GLB1: variants seen among roughly 807,000 people sequenced by gnomAD.
GLB1 encodes galactosidase beta 1.
A neutral mutation model predicts 74.0 loss-of-function variants in GLB1; 56 were observed. That is an observed-to-expected ratio of 0.76 (90% CI 0.61 to 0.94). The LOEUF (loss-of-function observed/expected upper bound fraction) is 0.94, where lower values mean the gene tolerates loss of function less well. Ranked by LOEUF, GLB1 falls within the 40% of genes least tolerant of loss-of-function variation. The probability of loss-of-function intolerance (pLI) is 0.00; values close to 1 mark genes in which losing one functional copy is unlikely to be tolerated. For missense variants in GLB1, 787 were observed against 845.5 expected (o/e 0.93, Z 0.86); for synonymous variants, 323 against 323.6 (o/e 1.00, Z 0.02).
At chr3:33,090,034 C>G (rs1700682269) in intron 1 of GLB1, among the ~76,000 whole-genome samples, 2 of 152,334 alleles carry the variant, frequency 1.3e-5, no homozygotes, top group East Asian at 1.9e-4. Context: ...TCATTTGTGA[C>G]AGATACAGCT....
intron 12 of GLB1, among the ~76,000 whole-genome samples, chr3:33,020,521 T>C (rs1258091692): frequency 6.6e-6 from 1 of 152,200 alleles, no homozygotes; most frequent in Non-Finnish European, 1.5e-5. Flanking sequence ...GTCCAAAATG[T>C]CTTACTGAAT....
chr3:32,982,034 C>A, the GLB1 span, among the ~76,000 whole-genome samples: 1 of 152,104 alleles, frequency 6.6e-6, no homozygotes, highest in Non-Finnish European at 1.5e-5. Flanking sequence ...CTTGTTTCAG[C>A]CGGGTGCGGT....
rs112605083 is a variant in GLB1 at position 33,073,329 on chromosome 3, T to C, written c.76-616A>G. Among the ~76,000 whole-genome samples the C allele has an allele frequency of 3.9e-5, 6 of 152,280 alleles. No individual in the cohort carries two copies. The South Asian group carries it at 1.2e-3, about 32-fold the overall frequency. ...GGCATTTAAGGCAATATTTGTAAAA[T>C]TGTGGGCCATGACCTGATTTGTGAA... On this transcript the variant is annotated intron_variant, in intron 1 of 15. Coordinates refer to ENST00000307363, the MANE Select transcript of GLB1 (RefSeq NM_000404.4).
chr3:32,985,299 A>G, the GLB1 span, among the ~76,000 whole-genome samples: 1 of 151,510 alleles, frequency 6.6e-6, no homozygotes, highest in Non-Finnish European at 1.5e-5. Context: ...TTTTATTATT[A>G]TTATTTTTTG....
chr3:33,070,973 G>T (rs1329786080), intron 2 of GLB1, among the ~76,000 whole-genome samples: 2 of 152,174 alleles, frequency 1.3e-5, no homozygotes, highest in Non-Finnish European at 2.9e-5. Flanking sequence ...TTTTTAGTAC[G>T]TGTAGGAAAA....
intron 12 of GLB1, 64 bp from the exon 13 acceptor site, chr3:33,018,625 C>T: frequency 2.5e-5 from 39 of 1,535,256 alleles, no homozygotes; most frequent in Admixed American, 1.8e-5. Flanking sequence ...AACTTGGTTA[C>T]CCTAGACATG....
In GLB1 at chr3:32,999,349, G is replaced by A. The variant is rs372165413; in HGVS notation, c.1735-2005C>T. 3.3e-5 allele frequency among the ~76,000 whole-genome samples: 5 copies of A among 152,168 alleles called. No individual in the cohort carries two copies. The East Asian group carries it at 5.8e-4, about 18-fold the overall frequency. On this transcript the variant is annotated intron_variant, in intron 15 of 15. Coordinates refer to ENST00000307363, the MANE Select transcript of GLB1 (RefSeq NM_000404.4). ...GCACTTTACTTTTGCGGTCAAGGGG[G>A]AAGACAGAGAAGTGGGAGGGCATTA...
At chr3:33,022,430 C>T (rs1274562041) in intron 11 of GLB1, among the ~76,000 whole-genome samples, 1 of 151,948 alleles carries the variant, frequency 6.6e-6, no homozygotes, top group Non-Finnish European at 1.5e-5. Flanking sequence ...TCACAGCTAC[C>T]CTGTGAGGCA....
intron 1 of GLB1, chr3:33,096,562 G>C (rs996338032): frequency 1.0e-6 from 1 of 984,396 alleles, no homozygotes; most frequent in Admixed American, 6.1e-5. Context: ...CCCACTGCAA[G>C]GGCCTCTCCT....
chr3:33,077,532 C>G, intron 1 of GLB1: 1 of 718,312 alleles, frequency 1.4e-6, no homozygotes, highest in South Asian at 1.9e-5. Flanking sequence ...CTGTTCTTTA[C>G]AGACCAAGAT....
chr3:33,039,938 T>TG, intron 10 of GLB1, among the ~76,000 whole-genome samples: 1 of 152,198 alleles, frequency 6.6e-6, no homozygotes, highest in Admixed American at 6.5e-5. Context: ...AAAGAAATGA[T>TG]GGAGGTCATA....
intron 13 of GLB1, among the ~76,000 whole-genome samples, chr3:33,017,943 T>C (rs1697301776): frequency 6.6e-6 from 1 of 151,964 alleles, no homozygotes; most frequent in African/African-American, 2.4e-5. Flanking sequence ...AAATGGCACA[T>C]GCATGAGGCC....
chr3:32,978,765 C>CTTTTTTTTT, the GLB1 span, among the ~76,000 whole-genome samples: 1 of 126,072 alleles, frequency 7.9e-6, no homozygotes, highest in Non-Finnish European at 1.6e-5. Context: ...TTCTTTCTTT[C>CTTTTTTTTT]TTTTTTTTTT....
chr3:33,068,398 C>CA, intron 3 of GLB1, 108 bp from the exon 4 acceptor site: 1 of 1,455,696 alleles, frequency 6.9e-7, no homozygotes, highest in Non-Finnish European at 9.3e-7. Context: ...CTTCAAGGGA[C>CA]AAGGGGTATT....
At chr3:33,092,391 T>A in intron 1 of GLB1, 1 of 991,072 alleles carries the variant, frequency 1.0e-6, no homozygotes, top group South Asian at 4.6e-5. Context: ...CCAGAAAGGC[T>A]CTGGATCAAT....
chr3:33,012,997 TCA>T (rs1697091432), intron 15 of GLB1, among the ~76,000 whole-genome samples: 1 of 152,208 alleles, frequency 6.6e-6, no homozygotes, highest in South Asian at 2.1e-4. Context: ...GCTTGTCAGA[TCA>T]CAGTCTTATC....
intron 1 of GLB1, chr3:33,091,178 GAA>G (rs757642612): frequency 9.1e-6 from 9 of 985,404 alleles, no homozygotes; most frequent in Non-Finnish European, 1.1e-5. Flanking sequence ...GAAGGACAGT[GAA>G]GAGAGAAAAA....
intron 10 of GLB1, among the ~76,000 whole-genome samples, chr3:33,027,371 G>A (rs747915746): frequency 7.9e-5 from 12 of 152,250 alleles, no homozygotes; most frequent in Non-Finnish European, 1.2e-4. Context: ...ACTTGCCCTT[G>A]GCAGGTATGG....
At chr3:33,086,196 A>T (rs1700497487) in intron 1 of GLB1, among the ~76,000 whole-genome samples, 1 of 152,212 alleles carries the variant, frequency 6.6e-6, no homozygotes, top group South Asian at 2.1e-4. Context: ...AAATATCTAA[A>T]TATCTAAATT....
Sources: gnomAD v4.1 joint callset for allele counts (sites outside exome capture counted in the v4.1 genomes callset) on GRCh38, gnomAD v4.1.1 for gene constraint, MANE v1.5 for transcripts, NCBI Gene and HGNC (gene_info 2026-07-23, HGNC 2026-07-21) for gene names.